Variants in PCDHGA6 observed in about 807,000 individuals in gnomAD.
The protein encoded by PCDHGA6 is protocadherin gamma-A6.
In PCDHGA6, 41 loss-of-function variants were observed where a neutral mutation model predicts 60.6. That is an observed-to-expected ratio of 0.68 (90% confidence interval 0.53 to 0.88). The LOEUF (loss-of-function observed/expected upper bound fraction) is 0.88. Ranked by LOEUF, PCDHGA6 falls within the 40% of genes least tolerant of loss-of-function variation. The probability of loss-of-function intolerance (pLI) is 0.00; values close to 1 mark genes in which losing one functional copy is unlikely to be tolerated. For missense variants in PCDHGA6, 1,312 were observed against 1,203.0 expected (o/e 1.09, Z -1.34); for synonymous variants, 594 against 524.4 (o/e 1.13, Z -1.81).
intron 1 of PCDHGA6, among the ~76,000 whole-genome samples, chr5:141,425,059 G>A (rs1056925377): frequency 3.3e-5 from 5 of 152,110 alleles, no homozygotes; most frequent in Non-Finnish European, 7.4e-5. Flanking sequence ...CTAGGGCTCG[G>A]ACAAAAATAA....
chr5:141,508,077 G>T (rs1166570509), intron 3 of PCDHGA6: 1 of 152,446 alleles, frequency 6.6e-6, no homozygotes, highest in Non-Finnish European at 1.5e-5. Context: ...GGCTACTCTG[G>T]AGTTGCTGCC....
chr5:141,423,689 G>A (rs2096767103), intron 1 of PCDHGA6: 2 of 1,400,130 alleles, frequency 1.4e-6, no homozygotes, highest in Non-Finnish European at 9.4e-7. Context: ...CCTCCTAATT[G>A]TTGGTGTCTT....
At chr5:141,467,348 C>T (rs1182432500) in intron 1 of PCDHGA6, among the ~76,000 whole-genome samples, 5 of 152,142 alleles carry the variant, frequency 3.3e-5, no homozygotes, top group African/African-American at 9.7e-5. Context: ...CCACTGCCCC[C>T]GGCCAAATCA....
At chr5:141,465,747 A>G (rs2099108470) in intron 1 of PCDHGA6, among the ~76,000 whole-genome samples, 2 of 151,126 alleles carry the variant, frequency 1.3e-5, no homozygotes, top group African/African-American at 4.9e-5. Flanking sequence ...TCAGGATCAG[A>G]CTGGTAAAGT....
intron 1 of PCDHGA6, chr5:141,399,021 C>T (rs2093739749): frequency 1.2e-6 from 2 of 1,613,862 alleles, no homozygotes; most frequent in Non-Finnish European, 1.7e-6. Context: ...GAGAAATTAC[C>T]ACTCAAAAGA....
intron 1 of PCDHGA6, chr5:141,478,675 G>A (rs1264846161): frequency 6.4e-7 from 1 of 1,551,574 alleles, no homozygotes; most frequent in South Asian, 1.2e-5. Context: ...ACTTTCAACT[G>A]GCCCTTCCTA....
At chr5:141,415,569 A>G (rs962518094) in intron 1 of PCDHGA6, 12 of 1,614,092 alleles carry the variant, frequency 7.4e-6, no homozygotes, top group Non-Finnish European at 1.0e-5. Flanking sequence ...TGTCTTTGTT[A>G]GATGATTCGA....
chr5:141,433,106 G>C, intron 1 of PCDHGA6: 1 of 1,614,170 alleles, frequency 6.2e-7, no homozygotes, highest in Non-Finnish European at 8.5e-7. Flanking sequence ...CGTCAGCCAG[G>C]AGAGCTTTGA....
chr5:141,470,707 TA>T (rs1207543665), intron 1 of PCDHGA6, among the ~76,000 whole-genome samples: 1 of 152,164 alleles, frequency 6.6e-6, no homozygotes, highest in African/African-American at 2.4e-5. Flanking sequence ...ATTTTTATTT[TA>T]TTTTTTTGAG....
At chr5:141,389,332 G>A in intron 1 of PCDHGA6, 2 of 1,613,980 alleles carry the variant, frequency 1.2e-6, no homozygotes, top group Non-Finnish European at 8.5e-7. Context: ...GGGCCCAACG[G>A]CCAAGTCTCT....
Position 141,431,698 on chromosome 5 carries a change from A to ATTC in PCDHGA6, c.2424+55193_2424+55195dup. 6.2e-7 allele frequency: 1 copy of ATTC among 1,614,222 alleles called. No homozygotes were observed. Among genetic ancestry groups the ATTC allele is most frequent in the Non-Finnish European group, 8.5e-7 (1 of 1,180,036 alleles). The stretch of plus-strand genomic sequence containing the variant: ...GGGAGTTGGACCACGAGGAGTCAGG[A>ATTC]TTCTACCAGATGGAAGTGCAAGCAA... On this transcript the variant is annotated intron_variant, in intron 1 of 3. Coordinates refer to ENST00000517434, the MANE Select transcript of PCDHGA6 (RefSeq NM_018919.3). This position sits in a 1 kb window ranked among gnomAD's most constrained non-coding sequence, Gnocchi z 4.8.
chr5:141,374,385 G>A lies in PCDHGA6; in HGVS notation c.302G>A (p.Arg101Gln), dbSNP rs1588739577. 3 of 1,614,026 alleles carry A rather than the reference G, an allele frequency of 1.9e-6. No individual in the cohort carries two copies. The highest frequency in any genetic ancestry group is 1.3e-5 in the African/African-American group (1 of 75,074). ...GAGGAGCTCTGTGCTCAGAGCCCGCGGTGTCTGGTGAGTTTTAACATCCTT... is the reference window on the plus strand; with the variant it reads ...GAGGAGCTCTGTGCTCAGAGCCCGCAGTGTCTGGTGAGTTTTAACATCCTT... ...DREELCAQSP[R>Q]CLVSFNILVE... The change falls in exon 1 of 4, where the codon CGG becomes CAG. Residue 101 changes from arginine (R) to glutamine (Q), a missense_variant. Coordinates refer to ENST00000517434, the MANE Select transcript of PCDHGA6 (RefSeq NM_018919.3).
chr5:141,494,742 G>A (rs1223104681), intron 1 of PCDHGA6, 65 bp from the exon 2 acceptor site: 10 of 1,611,946 alleles, frequency 6.2e-6, no homozygotes, highest in Non-Finnish European at 8.5e-6. Context: ...CCCATCCCTA[G>A]GGGCTCGGGT....
intron 1 of PCDHGA6, chr5:141,395,362 T>A: frequency 1.5e-6 from 2 of 1,294,628 alleles, no homozygotes; most frequent in Non-Finnish European, 1.0e-6. Context: ...AGTTTTGGGT[T>A]TATTTTGGTG....
intron 1 of PCDHGA6, chr5:141,395,196 G>A (rs1431851304): frequency 5.0e-6 from 8 of 1,613,948 alleles, no homozygotes; most frequent in Admixed American, 1.7e-5. Flanking sequence ...GTTAACATCC[G>A]TAGATTTTCA....
At position 141,490,632 on chromosome 5, in the gene PCDHGA6, A is replaced by C; in HGVS notation, c.2425-4175A>C. Reference sequence around the variant, plus strand: ...AGCAGCTTTACACTGCTTACATCCTAGAAAACCGGCCTCCGGGCTCCCTTC... The same window carrying C: ...AGCAGCTTTACACTGCTTACATCCTCGAAAACCGGCCTCCGGGCTCCCTTC... On this transcript the variant is annotated intron_variant, in intron 1 of 3. Transcript: ENST00000517434. This position sits in a 1 kb window ranked among gnomAD's most constrained non-coding sequence, Gnocchi z 5.4. The C allele has an allele frequency of 1.2e-6, 2 of 1,614,196 alleles. No individual in the cohort carries two copies. Among genetic ancestry groups the C allele is most frequent in the South Asian group, 1.1e-5 (1 of 91,088 alleles).
At chr5:141,506,164 G>A (rs959032250) in intron 3 of PCDHGA6, among the ~76,000 whole-genome samples, 17 of 152,140 alleles carry the variant, frequency 1.1e-4, no homozygotes, top group Non-Finnish European at 2.4e-4. Context: ...TAAGAGCACA[G>A]CCTAAGCTGG....
At chr5:141,501,288 T>TATACAC (rs201660636) in intron 2 of PCDHGA6, among the ~76,000 whole-genome samples, 3,536 of 81,176 alleles carry the variant, frequency 0.044, 56 homozygotes, top group Admixed American at 0.065. Flanking sequence ...GATATTCCCT[T>TATACAC]ATACACACAC....
At chr5:141,448,449 T>C (rs528049717) in intron 1 of PCDHGA6, among the ~76,000 whole-genome samples, 1 of 152,284 alleles carries the variant, frequency 6.6e-6, no homozygotes, top group South Asian at 2.1e-4. Context: ...CTGACTTCCA[T>C]CCCTATCCTA....
Sources: allele counts gnomAD v4.1 joint callset (sites outside exome capture counted in the v4.1 genomes callset), GRCh38; gene constraint gnomAD v4.1.1; non-coding constraint Gnocchi (gnomAD v3.1); transcripts MANE v1.5; gene names NCBI Gene and HGNC (gene_info 2026-07-23, HGNC 2026-07-21).